Variants in PLCG2 observed in about 807,000 individuals in gnomAD.
The protein encoded by PLCG2 is 1-phosphatidylinositol 4,5-bisphosphate phosphodiesterase gamma-2.
PLCG2 carries 69 observed loss-of-function variants against 175.6 expected under a neutral mutation model. That is an observed-to-expected ratio of 0.39 (90% CI 0.32 to 0.48). PLCG2 has a LOEUF of 0.48. Among genes scored for constraint, PLCG2 ranks in the 20% least tolerant of loss-of-function variants. The pLI is 0.91. For missense variants in PLCG2, 1,798 were observed against 1,650.9 expected (o/e 1.09, Z -1.54); for synonymous variants, 827 against 624.0 (o/e 1.33, Z -4.85).
intron 2 of PLCG2, among the ~76,000 whole-genome samples, chr16:81,814,934 A>C (rs1904477414): frequency 6.6e-6 from 1 of 152,210 alleles, no homozygotes; most frequent in South Asian, 2.1e-4. Flanking sequence ...GTTTGTCTAG[A>C]GTAAGTGCTG....
At chr16:81,863,101 A>T (rs949203618) in intron 5 of PLCG2, among the ~76,000 whole-genome samples, 1 of 152,160 alleles carries the variant, frequency 6.6e-6, no homozygotes, top group African/African-American at 2.4e-5. Context: ...CTTCTGTGGG[A>T]TGAAGTATAT....
intron 3 of PLCG2, among the ~76,000 whole-genome samples, chr16:81,855,909 G>A (rs770216040): frequency 1.3e-5 from 2 of 152,166 alleles, no homozygotes; most frequent in Non-Finnish European, 2.9e-5. Context: ...AGATGGGGTA[G>A]GAGGGCAAGG....
chr16:81,874,771 C>G (rs528477681), intron 7 of PLCG2, among the ~76,000 whole-genome samples: 31 of 152,198 alleles, frequency 2.0e-4, no homozygotes, highest in Middle Eastern at 3.4e-3. Context: ...TTCCACCTCT[C>G]GAGCTTCAGA....
At chr16:81,855,083 A>C (rs1306107197) in intron 3 of PLCG2, among the ~76,000 whole-genome samples, 1 of 151,594 alleles carries the variant, frequency 6.6e-6, no homozygotes, top group Non-Finnish European at 1.5e-5. Context: ...GGTGGTGCGC[A>C]CCTGTAGTCA....
upstream of PLCG2, among the ~76,000 whole-genome samples, chr16:81,778,047 A>AC (rs1231151837): frequency 3.2e-4 from 24 of 74,678 alleles, no homozygotes; most frequent in African/African-American, 1.1e-3. Flanking sequence ...AAAAAACAAA[A>AC]AAAAAAACAA....
chr16:81,769,791 G>C (rs936701024), intron 2 of PLCG2, among the ~76,000 whole-genome samples: 2 of 124,124 alleles, frequency 1.6e-5, no homozygotes, highest in East Asian at 2.4e-4. Context: ...CTGCACTCCA[G>C]CCTGGGCGAC....
chr16:81,880,383 A>C (rs1279025081), intron 7 of PLCG2, among the ~76,000 whole-genome samples: 1 of 152,218 alleles, frequency 6.6e-6, no homozygotes, highest in Non-Finnish European at 1.5e-5. Flanking sequence ...TTTTCCTTCT[A>C]GGACTCTACT....
intron 8 of PLCG2, among the ~76,000 whole-genome samples, chr16:81,882,865 G>T (rs1388021151): frequency 1.3e-5 from 2 of 152,144 alleles, no homozygotes; most frequent in East Asian, 3.9e-4. Flanking sequence ...CTCCAGGTCT[G>T]GGTTTGGGGC....
upstream of PLCG2, among the ~76,000 whole-genome samples, chr16:81,778,828 T>C (rs1369012674): frequency 6.6e-6 from 1 of 151,898 alleles, no homozygotes; most frequent in African/African-American, 2.4e-5. Context: ...TATTTATTTA[T>C]TTTTGAGACG....
intron 2 of PLCG2, among the ~76,000 whole-genome samples, chr16:81,787,692 C>G (rs1055385614): frequency 2.6e-5 from 4 of 151,998 alleles, no homozygotes; most frequent in Non-Finnish European, 5.9e-5. Flanking sequence ...TTTATATCAC[C>G]TCAAGATGAA....
chr16:81,936,791 C>G (rs184092108), intron 27 of PLCG2, among the ~76,000 whole-genome samples: 3 of 152,176 alleles, frequency 2.0e-5, no homozygotes, highest in African/African-American at 7.2e-5. Flanking sequence ...ACAAAGTGAT[C>G]GCATAAATCA....
intron 2 of PLCG2, among the ~76,000 whole-genome samples, chr16:81,847,744 ATTAT>A (rs1318826516): frequency 6.6e-6 from 1 of 152,212 alleles, no homozygotes; most frequent in Non-Finnish European, 1.5e-5. Flanking sequence ...ATACAGTATA[ATTAT>A]TTACATAACA....
rs577002663 is a variant in PLCG2, at chr16:81,825,283, ATTT to A, written c.194-29140_194-29138del. Among the ~76,000 whole-genome samples the A allele has an allele frequency of 8.4e-3, 978 of 115,814 alleles. 5 individuals carry two copies. The highest frequency in any genetic ancestry group is 0.031 in the African/African-American group (917 of 29,354). The allele number at this position is 115,814 out of a possible 152,430, so 76.0% of individuals were successfully genotyped here. On this transcript the variant is annotated intron_variant, in intron 2 of 32. Coordinates refer to ENST00000564138, the MANE Select transcript of PLCG2 (RefSeq NM_002661.5). ...AAATTAGATCTGAAGAGATGCTCTA[ATTT>A]TTTTTTTTTTTTTTTTTTTTGAGAC... is the stretch of plus-strand genomic sequence containing the variant.
chr16:81,849,157 C>G (rs1239248014), intron 2 of PLCG2, among the ~76,000 whole-genome samples: 2 of 152,050 alleles, frequency 1.3e-5, no homozygotes, highest in African/African-American at 2.4e-5. Flanking sequence ...TGGGACGTCA[C>G]GGGAAGGCTT....
At chr16:81,889,016 G>T (rs1390827320) in intron 9 of PLCG2, among the ~76,000 whole-genome samples, 156 bp from the exon 10 acceptor site, 1 of 152,084 alleles carries the variant, frequency 6.6e-6, no homozygotes, top group Non-Finnish European at 1.5e-5. Context: ...AGAGGGCCAT[G>T]TGCAGAATGA....
chr16:81,776,404 C>G (rs959302510), upstream of PLCG2, among the ~76,000 whole-genome samples: 1 of 150,342 alleles, frequency 6.7e-6, no homozygotes, highest in Non-Finnish European at 1.5e-5. Context: ...CCACCGCGCC[C>G]GGCTCAGAGT....
At chr16:81,865,283 T>C (rs1907173012) in intron 5 of PLCG2, among the ~76,000 whole-genome samples, 2 of 152,138 alleles carry the variant, frequency 1.3e-5, no homozygotes, top group South Asian at 4.1e-4. Flanking sequence ...AGCTGAGCCG[T>C]TGGCTTCCTC....
At chr16:81,825,339 A>G (rs1597339684) in intron 2 of PLCG2, among the ~76,000 whole-genome samples, 1 of 129,534 alleles carries the variant, frequency 7.7e-6, no homozygotes, top group African/African-American at 3.0e-5. Flanking sequence ...CCCAGGCTGG[A>G]GTGCAATGGC....
intron 31 of PLCG2, among the ~76,000 whole-genome samples, chr16:81,947,094 C>G (rs534063424): frequency 2.0e-5 from 3 of 152,244 alleles, no homozygotes; most frequent in East Asian, 3.9e-4. Context: ...TTTGCCTAGG[C>G]CCGCTGCTCT....
Sources: gnomAD v4.1 joint callset for allele counts (sites outside exome capture counted in the v4.1 genomes callset) on GRCh38, gnomAD v4.1.1 for gene constraint, MANE v1.5 for transcripts, NCBI Gene and HGNC (gene_info 2026-07-23, HGNC 2026-07-21) for gene names.